The following FGF12 variants were observed in gnomAD, a reference collection of about 807,000 sequenced individuals.
The protein encoded by FGF12 is fibroblast growth factor 12B.
FGF12 carries 14 observed loss-of-function variants against 23.6 expected under a neutral mutation model. That is an observed-to-expected ratio of 0.59 (90% CI 0.39 to 0.93). The LOEUF is 0.93. FGF12 is among the 40% of genes least tolerant of loss of function. The pLI is 0.00. For missense variants in FGF12, 175 were observed against 217.8 expected, an observed-to-expected ratio of 0.80 and a Z score of 1.24; for synonymous variants, 62 against 77.3, an observed-to-expected ratio of 0.80 and a Z score of 1.04.
intron 2 of FGF12, among the ~76,000 whole-genome samples, chr3:192,474,093 T>A (rs1381572161): frequency 2.6e-5 from 4 of 152,262 alleles, no homozygotes; most frequent in Admixed American, 1.3e-4. Context: ...TGAAGACTGA[T>A]TTTATTTTAA....
intron 4 of FGF12, chr3:192,238,114 G>A (rs1719394929): frequency 6.6e-6 from 1 of 152,482 alleles, no homozygotes; most frequent in Non-Finnish European, 1.5e-5. Flanking sequence ...CAGCACTCTT[G>A]GGCTGCATGC....
chr3:192,298,095 A>G (rs113219960), intron 4 of FGF12, among the ~76,000 whole-genome samples: 52 of 152,370 alleles, frequency 3.4e-4, no homozygotes, highest in African/African-American at 1.3e-3. Flanking sequence ...GGCACACAGC[A>G]ATCACTAGTC....
intron 2 of FGF12, among the ~76,000 whole-genome samples, chr3:192,560,492 CAA>C (rs1213077281): frequency 1.3e-5 from 2 of 151,496 alleles, no homozygotes; most frequent in Non-Finnish European, 2.9e-5. Context: ...CAGTAATTAC[CAA>C]TACTAGGAAT....
At chr3:192,167,245 G>A (rs1000250177) in intron 5 of FGF12, among the ~76,000 whole-genome samples, 4 of 151,442 alleles carry the variant, frequency 2.6e-5, no homozygotes, top group Non-Finnish European at 1.5e-5. Context: ...TGGCCAGTGC[G>A]ATAAGTAGCA....
At chr3:192,341,119 C>T (rs1255612524) in intron 3 of FGF12, among the ~76,000 whole-genome samples, 2 of 151,938 alleles carry the variant, frequency 1.3e-5, no homozygotes, top group Non-Finnish European at 2.9e-5. Context: ...AAAGGAAAAA[C>T]AAAACAAATA....
intron 2 of FGF12, among the ~76,000 whole-genome samples, chr3:192,531,611 G>A (rs779552125): frequency 4.6e-5 from 7 of 151,832 alleles, no homozygotes; most frequent in Non-Finnish European, 7.4e-5. Flanking sequence ...TTTTTAAAAC[G>A]TATAATTATT....
chr3:192,186,416 A>T (rs1716472902), intron 4 of FGF12, among the ~76,000 whole-genome samples: 1 of 152,254 alleles, frequency 6.6e-6, no homozygotes, highest in Non-Finnish European at 1.5e-5. Context: ...ACTTAGTGAC[A>T]TGTACATGAT....
intron 2 of FGF12, among the ~76,000 whole-genome samples, chr3:192,370,365 A>G (rs1316703750): frequency 6.6e-6 from 1 of 152,134 alleles, no homozygotes; most frequent in African/African-American, 2.4e-5. Context: ...TTAAAATGAG[A>G]TCAATGAAAA....
chr3:192,245,044 A>C (rs1220697186), intron 4 of FGF12: 3 of 152,170 alleles, frequency 2.0e-5, no homozygotes, highest in African/African-American at 7.2e-5. Context: ...AGCAAGAAAT[A>C]ATCGTGCATT....
intron 5 of FGF12, among the ~76,000 whole-genome samples, chr3:192,166,337 G>T (rs1030360460): frequency 3.3e-5 from 5 of 152,182 alleles, no homozygotes; most frequent in Non-Finnish European, 5.9e-5. Flanking sequence ...CCATTAATCT[G>T]CAAGAACTTT....
At chr3:192,245,752 G>A (rs1711532852) in intron 4 of FGF12, among the ~76,000 whole-genome samples, 1 of 152,174 alleles carries the variant, frequency 6.6e-6, no homozygotes, top group Non-Finnish European at 1.5e-5. Context: ...AGAATGGCAA[G>A]AGGCTAGGAG....
intron 4 of FGF12, among the ~76,000 whole-genome samples, chr3:192,292,220 A>C (rs930992846): frequency 3.3e-5 from 5 of 152,196 alleles, no homozygotes; most frequent in Admixed American, 2.6e-4. Context: ...GTAGCTATTG[A>C]CAAATCACGT....
chr3:192,523,134 T>C (rs1014235320), intron 2 of FGF12, among the ~76,000 whole-genome samples: 2 of 152,136 alleles, frequency 1.3e-5, no homozygotes, highest in African/African-American at 4.8e-5. Flanking sequence ...AATACAAAAA[T>C]CCAGAATGTG....
At chr3:192,258,043 A>C (rs1712514865) in intron 4 of FGF12, among the ~76,000 whole-genome samples, 1 of 151,616 alleles carries the variant, frequency 6.6e-6, no homozygotes, top group African/African-American at 2.4e-5. Flanking sequence ...AAAAAGCAAA[A>C]CGAACAGAAA....
intron 2 of FGF12, among the ~76,000 whole-genome samples, chr3:192,624,295 T>G: frequency 6.6e-6 from 1 of 152,200 alleles, no homozygotes; most frequent in East Asian, 1.9e-4. Context: ...CTGTTTCTAT[T>G]TATATCAACA....
rs960306241 is a variant in FGF12, at chr3:192,409,419, G to A, written c.14-48881C>T. On this transcript the variant is annotated intron_variant, in intron 2 of 5. Coordinates refer to ENST00000445105, the MANE Select transcript of FGF12 (RefSeq NM_004113.6). This position sits in a 1 kb window ranked among gnomAD's most constrained non-coding sequence, Gnocchi z 4.8. ...AGAGGGAGCGAGGGAAGGGAGGGAAGGAAGGGGCGCCCTGGCGGGCTCGGG... is the reference window on the plus strand; with the variant it reads ...AGAGGGAGCGAGGGAAGGGAGGGAAAGAAGGGGCGCCCTGGCGGGCTCGGG... Among the ~76,000 whole-genome samples the A allele has an allele frequency of 6.6e-6, 1 of 152,208 alleles. No individual in the cohort carries two copies. Among genetic ancestry groups the A allele is most frequent in the Admixed American group, 6.5e-5 (1 of 15,292 alleles).
intron 2 of FGF12, among the ~76,000 whole-genome samples, chr3:192,665,977 C>T (rs1197207920): frequency 6.6e-6 from 1 of 152,082 alleles, no homozygotes; most frequent in African/African-American, 2.4e-5. Flanking sequence ...TGAGTACATA[C>T]ATCAAATTTT....
In FGF12 at chr3:192,618,779, A is replaced by C. The variant is rs1398338112; in HGVS notation, c.13+108402T>G. Among the ~76,000 whole-genome samples the C allele has an allele frequency of 3.3e-5, 5 of 152,054 alleles. No individual in the cohort carries two copies. In the East Asian group the frequency reaches 9.7e-4, roughly 30 times the overall value. On this transcript the variant is annotated intron_variant, in intron 2 of 5. Transcript: ENST00000445105. ...CGACTATCTTATAATACTAAAAAAA[A>C]AACAGTAAGAGGATTTGCTCTTTGG...
chr3:192,617,408 T>C (rs1199633660), intron 2 of FGF12, among the ~76,000 whole-genome samples: 2 of 152,018 alleles, frequency 1.3e-5, no homozygotes, highest in Non-Finnish European at 2.9e-5. Flanking sequence ...CCTAGGACAC[T>C]ACAAAGTGAT....
Sources: allele counts gnomAD v4.1 joint callset (sites outside exome capture counted in the v4.1 genomes callset), GRCh38; gene constraint gnomAD v4.1.1; non-coding constraint Gnocchi (gnomAD v3.1); transcripts MANE v1.5; gene names NCBI Gene and HGNC (gene_info 2026-07-23, HGNC 2026-07-21).